Variants in GLCE observed in about 807,000 individuals in gnomAD.
GLCE encodes the protein glucuronic acid epimerase.
A neutral mutation model predicts 47.9 loss-of-function variants in GLCE; 19 were observed. The observed-to-expected ratio is 0.40, with a 90% CI of 0.28 to 0.58. The LOEUF (loss-of-function observed/expected upper bound fraction) is 0.58. Ranked by LOEUF, GLCE falls within the 20% of genes least tolerant of loss-of-function variation. GLCE has a pLI of 0.48. For missense variants in GLCE, 556 were observed against 743.3 expected (o/e 0.75, Z 2.93); for synonymous variants, 245 against 263.4 (o/e 0.93, Z 0.68).
At chr15:69,213,721 A>G (rs967206482) in intron 2 of GLCE, among the ~76,000 whole-genome samples, 1 of 152,124 alleles carries the variant, frequency 6.6e-6, no homozygotes, top group Non-Finnish European at 1.5e-5. Flanking sequence ...TTGGCCACTA[A>G]TTTTAGCATT....
chr15:69,199,873 C>T (rs2052051370), intron 1 of GLCE, among the ~76,000 whole-genome samples: 3 of 152,128 alleles, frequency 2.0e-5, no homozygotes, highest in Admixed American at 2.0e-4. Flanking sequence ...GTCTGGGAAC[C>T]TCTACTCCAA....
At position 69,247,625 on chromosome 15, in the gene GLCE, C is replaced by T. The variant is rs141560499; in HGVS notation, c.-13-8169C>T. ...CTATTTTGGCTTTAGACATGCCCTC[C>T]TCACTGAGCTTAATCATTTCTAGCT... is the stretch of plus-strand genomic sequence containing the variant. On this transcript the variant is annotated intron_variant, in intron 2 of 4. Coordinates refer to ENST00000261858, the MANE Select transcript of GLCE (RefSeq NM_015554.3). Among the ~76,000 whole-genome samples the T allele has an allele frequency of 1.5e-3, 232 of 152,310 alleles. No individual in the cohort carries two copies. The Middle Eastern group carries it at 0.017, about 11-fold the overall frequency.
At chr15:69,199,000 A>G (rs1475723918) in intron 1 of GLCE, among the ~76,000 whole-genome samples, 1 of 152,176 alleles carries the variant, frequency 6.6e-6, no homozygotes, top group African/African-American at 2.4e-5. Context: ...AACTATAAAA[A>G]TGCTTAACTT....
intron 2 of GLCE, among the ~76,000 whole-genome samples, chr15:69,248,105 TA>T (rs2052780417): frequency 6.6e-6 from 1 of 152,326 alleles, no homozygotes; most frequent in East Asian, 1.9e-4. Context: ...ATTTTGTTAC[TA>T]AAAAATAAAA....
At chr15:69,182,230 C>T (rs76921373) in intron 1 of GLCE, among the ~76,000 whole-genome samples, 1,737 of 151,446 alleles carry the variant, frequency 0.011, 27 homozygotes, top group African/African-American at 0.038. Context: ...CTCCTGGCCA[C>T]GAATTTAAAG....
At chr15:69,181,644 T>TA (rs1192319370) in intron 1 of GLCE, among the ~76,000 whole-genome samples, 1 of 152,116 alleles carries the variant, frequency 6.6e-6, no homozygotes, top group Non-Finnish European at 1.5e-5. Flanking sequence ...GCAGGTTTGA[T>TA]AGAGTGGTGG....
intron 1 of GLCE, among the ~76,000 whole-genome samples, chr15:69,180,563 G>T (rs1401196693): frequency 6.6e-6 from 1 of 152,204 alleles, no homozygotes; most frequent in Non-Finnish European, 1.5e-5. Flanking sequence ...CAGTGAAGGA[G>T]ATATGACACA....
At chr15:69,175,268 A>G (rs1566947058) in intron 1 of GLCE, among the ~76,000 whole-genome samples, 2 of 152,134 alleles carry the variant, frequency 1.3e-5, no homozygotes, top group African/African-American at 4.8e-5. Flanking sequence ...TCATCCTCAC[A>G]TTCTTAATAC....
At chr15:69,183,142 A>G (rs2051774963) in intron 1 of GLCE, among the ~76,000 whole-genome samples, 1 of 152,214 alleles carries the variant, frequency 6.6e-6, no homozygotes, top group South Asian at 2.1e-4. Context: ...ACTGAAGGGC[A>G]GAACTTCCTT....
At position 69,268,983 on chromosome 15, in the gene GLCE, A is replaced by G. The variant is rs771177712; in HGVS notation, c.1593A>G (p.Gly531=). ...AAGAAACTGCAGGGGAAAAACTCGG[A>G]AAAGAAGCAAGGTCCTTGTATGAGC... ...DLKETAGEKL[G]KEARSLYERG... The change falls in exon 5 of 5, where the codon GGA becomes GGG. Residue 531 remains glycine (G), a synonymous_variant. Transcript: ENST00000261858. 1.9e-6 allele frequency: 3 copies of G among 1,614,226 alleles called. No individual in the cohort carries two copies. The Admixed American group carries it at 5.0e-5, about 27-fold the overall frequency.
At position 69,269,302 on chromosome 15, in the gene GLCE, T is replaced by TGTA; in HGVS notation, c.*58_*59insGTA. 1.5e-6 allele frequency: 2 copies of TGTA among 1,374,226 alleles called. No individual in the cohort carries two copies. Among genetic ancestry groups the TGTA allele is most frequent in the Non-Finnish European group, 2.0e-6 (2 of 978,402 alleles). The allele number at this position is 1,374,226 out of a possible 1,614,324, so 85.1% of individuals were successfully genotyped here. A position where few individuals can be genotyped will look rare whatever the true frequency, so the allele number is the denominator to read the frequency against. On this transcript the variant is annotated 3_prime_UTR_variant, in exon 5 of 5. Transcript: ENST00000261858. ...CTGTACACAGAAACTACAGGCTCTG[T>TGTA]CTCAGGAGAGCATAGGCACATTTTA...
intron 2 of GLCE, among the ~76,000 whole-genome samples, chr15:69,251,049 C>A (rs528842020): frequency 6.6e-6 from 1 of 152,226 alleles, no homozygotes; most frequent in African/African-American, 2.4e-5. Context: ...ACACACAAAA[C>A]AGCCCCCTCC....
At chr15:69,208,128 C>A (rs1481122965) in intron 1 of GLCE, among the ~76,000 whole-genome samples, 1 of 151,930 alleles carries the variant, frequency 6.6e-6, no homozygotes, top group East Asian at 1.9e-4. Context: ...CTTTCCAGAG[C>A]ATAAATTTTT....
chr15:69,255,090 G>A (rs1160770487), intron 2 of GLCE, among the ~76,000 whole-genome samples: 1 of 152,168 alleles, frequency 6.6e-6, no homozygotes, highest in Non-Finnish European at 1.5e-5. Context: ...GCTGTTAGGA[G>A]GTCAAGTAGG....
At chr15:69,189,701 G>A (rs149176080) in intron 1 of GLCE, among the ~76,000 whole-genome samples, 151 of 152,146 alleles carry the variant, frequency 9.9e-4, no homozygotes, top group Middle Eastern at 3.4e-3. Context: ...TCTGTTGTAC[G>A]TGTATGTTTT....
chr15:69,210,665 A>G (rs2052219577), intron 2 of GLCE, among the ~76,000 whole-genome samples: 2 of 152,158 alleles, frequency 1.3e-5, no homozygotes, highest in South Asian at 4.1e-4. Context: ...CCTTGTAACA[A>G]CTACTAGATT....
intron 2 of GLCE, among the ~76,000 whole-genome samples, chr15:69,215,429 A>T (rs1239765903): frequency 6.6e-6 from 1 of 152,114 alleles, no homozygotes; most frequent in African/African-American, 2.4e-5. Flanking sequence ...GTTGCTGAGT[A>T]GTATTCTATT....
At chr15:69,200,162 G>C (rs138018449) in intron 1 of GLCE, among the ~76,000 whole-genome samples, 1 of 152,054 alleles carries the variant, frequency 6.6e-6, no homozygotes, top group Non-Finnish European at 1.5e-5. Flanking sequence ...AGAAAGTTTC[G>C]TGCCATCTGT....
chr15:69,199,102 C>A (rs2140361133), intron 1 of GLCE, among the ~76,000 whole-genome samples: 1 of 152,268 alleles, frequency 6.6e-6, no homozygotes, highest in African/African-American at 2.4e-5. Context: ...TGGTTTGAGA[C>A]TGTATACAGA....
Sources: gnomAD v4.1 joint callset for allele counts (sites outside exome capture counted in the v4.1 genomes callset) on GRCh38, gnomAD v4.1.1 for gene constraint, MANE v1.5 for transcripts, NCBI Gene and HGNC (gene_info 2026-07-23, HGNC 2026-07-21) for gene names.